RUNDC3B: variants seen among roughly 807,000 people sequenced by gnomAD.
RUNDC3B encodes the protein RUN domain-containing protein 3B.
Under a neutral mutation model 58.4 loss-of-function variants are expected in RUNDC3B, and 33 were observed. The observed-to-expected ratio is 0.56, with a 90% CI of 0.43 to 0.75. The LOEUF is 0.75. Among genes scored for constraint, RUNDC3B ranks in the 30% least tolerant of loss-of-function variants. The pLI, the probability that RUNDC3B is intolerant of heterozygous loss-of-function variation, is 0.00. For synonymous variants in RUNDC3B, 193 were observed against 195.2 expected, an observed-to-expected ratio of 0.99 and a Z score of 0.10; for missense variants, 501 against 535.7, an observed-to-expected ratio of 0.94 and a Z score of 0.64.
intron 2 of RUNDC3B, among the ~76,000 whole-genome samples, chr7:87,699,000 T>C (rs1431231324): frequency 6.6e-6 from 1 of 152,186 alleles, no homozygotes; most frequent in Non-Finnish European, 1.5e-5. Flanking sequence ...TGCTTACATC[T>C]TCCCCTAAAG....
At chr7:87,821,650 G>T (rs1271762613) in intron 10 of RUNDC3B, among the ~76,000 whole-genome samples, 3 of 152,186 alleles carry the variant, frequency 2.0e-5, no homozygotes, top group Non-Finnish European at 2.9e-5. Context: ...ATACTACAAT[G>T]CTACAGTAAC....
At chr7:87,683,144 T>C (rs753843669) in intron 2 of RUNDC3B, among the ~76,000 whole-genome samples, 5 of 152,182 alleles carry the variant, frequency 3.3e-5, no homozygotes, top group Non-Finnish European at 7.3e-5. Flanking sequence ...TTCTGCGGCG[T>C]CTTTGCCTCT....
intron 6 of RUNDC3B, among the ~76,000 whole-genome samples, chr7:87,759,255 A>G (rs1451605808): frequency 6.6e-6 from 1 of 152,212 alleles, no homozygotes; most frequent in Non-Finnish European, 1.5e-5. Context: ...CCATATTCTC[A>G]TACGAGGGAG....
chr7:87,673,568 G>T (rs1375442685), intron 2 of RUNDC3B, among the ~76,000 whole-genome samples: 1 of 152,154 alleles, frequency 6.6e-6, no homozygotes, highest in Non-Finnish European at 1.5e-5. Context: ...AGATCAGTTT[G>T]CTTCTTTCTT....
intron 9 of RUNDC3B, among the ~76,000 whole-genome samples, chr7:87,810,983 A>AGT (rs1460728449): frequency 6.6e-6 from 1 of 152,204 alleles, no homozygotes; most frequent in Non-Finnish European, 1.5e-5. Flanking sequence ...ACAATAAATA[A>AGT]GTGTATAAAA....
intron 8 of RUNDC3B, among the ~76,000 whole-genome samples, chr7:87,784,646 A>C (rs1327643811): frequency 6.6e-6 from 1 of 151,182 alleles, no homozygotes; most frequent in African/African-American, 2.4e-5. Flanking sequence ...ACTCAGCTAT[A>C]AGCCTCCTTT....
intron 8 of RUNDC3B, among the ~76,000 whole-genome samples, chr7:87,797,390 G>A (rs1352306141): frequency 6.6e-6 from 1 of 152,118 alleles, no homozygotes; most frequent in African/African-American, 2.4e-5. Context: ...TTTAGCAGGA[G>A]TATTTTATAG....
chr7:87,674,307 G>A (rs1826111419), intron 2 of RUNDC3B, among the ~76,000 whole-genome samples: 1 of 152,084 alleles, frequency 6.6e-6, no homozygotes, highest in African/African-American at 2.4e-5. Context: ...AGGGGTGGGG[G>A]TACTGGCATC....
intron 2 of RUNDC3B, among the ~76,000 whole-genome samples, chr7:87,681,949 A>G (rs749063704): frequency 6.6e-6 from 1 of 152,244 alleles, no homozygotes; most frequent in African/African-American, 2.4e-5. Context: ...TACCCACAGT[A>G]GAACTTCTTT....
At chr7:87,703,915 T>TTTTTTTTTTTTTTTTTTTTTTTTTG (rs1829354366) in intron 3 of RUNDC3B, among the ~76,000 whole-genome samples, 1 of 18,530 alleles carries the variant, frequency 5.4e-5, no homozygotes, top group African/African-American at 2.1e-4. Flanking sequence ...TTTTTTTTGG[T>TTTTTTTTTTTTTTTTTTTTTTTTTG]TTTTTTTTTT....
chr7:87,648,598 T>C (rs1009158768), intron 1 of RUNDC3B, among the ~76,000 whole-genome samples: 2 of 152,146 alleles, frequency 1.3e-5, no homozygotes, highest in Non-Finnish European at 2.9e-5. Context: ...GCAAGCACTG[T>C]TCAGATTACT....
At chr7:87,694,419 T>C (rs1285214864) in intron 2 of RUNDC3B, among the ~76,000 whole-genome samples, 12 of 152,228 alleles carry the variant, frequency 7.9e-5, no homozygotes, top group Admixed American at 7.9e-4. Flanking sequence ...GTTTCTGCTA[T>C]ATGCAAAACA....
intron 8 of RUNDC3B, among the ~76,000 whole-genome samples, chr7:87,784,206 G>C (rs1273999520): frequency 6.6e-6 from 1 of 152,070 alleles, no homozygotes. Context: ...TGAATTCTAT[G>C]TATGTCACTT....
chr7:87,701,120 T>A (rs551739093), intron 3 of RUNDC3B, among the ~76,000 whole-genome samples: 1 of 152,354 alleles, frequency 6.6e-6, no homozygotes, highest in East Asian at 1.9e-4. Flanking sequence ...TACTGAAATA[T>A]GATGGTTGCT....
intron 3 of RUNDC3B, among the ~76,000 whole-genome samples, chr7:87,704,911 T>G (rs1271355879): frequency 6.6e-6 from 1 of 152,210 alleles, no homozygotes; most frequent in Non-Finnish European, 1.5e-5. Context: ...TTATTGAGGC[T>G]TACAGCTGCA....
At chr7:87,664,859 A>T (rs998366198) in intron 2 of RUNDC3B, among the ~76,000 whole-genome samples, 14 of 152,210 alleles carry the variant, frequency 9.2e-5, no homozygotes, top group African/African-American at 3.1e-4. Context: ...AGATAAATTT[A>T]TAGATTCAAG....
rs117131492 is a variant in RUNDC3B, at chr7:87,711,265, G to A, written c.458+610G>A. ...AGTTTGAACCCAGGAGGCAGAGGTT[G>A]TGGAGAGCCGAGATTGAGCCATTGC... On this transcript the variant is annotated intron_variant, in intron 4 of 10. Coordinates refer to ENST00000394654, the MANE Select transcript of RUNDC3B (RefSeq NM_001134405.2). Among the ~76,000 whole-genome samples the A allele has an allele frequency of 6.1e-4, 93 of 151,998 alleles. No homozygotes were observed. In the East Asian group the frequency reaches 0.017, roughly 28 times the overall value.
At chr7:87,630,154 T>A (rs532392016) in intron 1 of RUNDC3B, among the ~76,000 whole-genome samples, 51 of 152,314 alleles carry the variant, frequency 3.3e-4, no homozygotes, top group African/African-American at 1.1e-3. Flanking sequence ...CAGATGATGA[T>A]GAAACTTTTT....
rs1346274655 is a variant in RUNDC3B, at chr7:87,793,279, G to A, written c.957-14094G>A. ...ATTCCACCAAACATTTAAAGAAGAA[G>A]TAATACCAATCCTACTCAACTAAAA... On this transcript the variant is annotated intron_variant, in intron 8 of 10. Coordinates refer to ENST00000394654, the MANE Select transcript of RUNDC3B (RefSeq NM_001134405.2). Among the ~76,000 whole-genome samples, 3 of 152,018 alleles carry A rather than the reference G, an allele frequency of 2.0e-5. No homozygotes were observed. In the East Asian group the frequency reaches 5.8e-4, roughly 29 times the overall value.
Sources: allele counts gnomAD v4.1 joint callset (sites outside exome capture counted in the v4.1 genomes callset), GRCh38; gene constraint gnomAD v4.1.1; transcripts MANE v1.5; gene names NCBI Gene and HGNC (gene_info 2026-07-23, HGNC 2026-07-21).